The following SENP5 variants were observed in gnomAD, a reference collection of about 807,000 sequenced individuals.
The protein encoded by SENP5 is sentrin-specific protease 5.
Under a neutral mutation model 74.2 loss-of-function variants are expected in SENP5, and 21 were observed. The observed-to-expected ratio is 0.28, with a 90% confidence interval of 0.20 to 0.41. The LOEUF is 0.41. SENP5 is among the 10% of genes least tolerant of loss of function. The pLI is 1.00. For synonymous variants in SENP5, 311 were observed against 312.7 expected (o/e 0.99, Z 0.06); for missense variants, 717 against 889.1 (o/e 0.81, Z 2.46).
intron 9 of SENP5, among the ~76,000 whole-genome samples, chr3:196,930,005 AAC>A (rs1351876446): frequency 1.2e-3 from 182 of 152,004 alleles, no homozygotes; most frequent in African/African-American, 4.1e-3. Context: ...AAAAAAAAAA[AAC>A]ATTGGCAAGC....
intron 7 of SENP5, among the ~76,000 whole-genome samples, chr3:196,926,622 G>T: frequency 6.6e-6 from 1 of 151,082 alleles, no homozygotes; most frequent in African/African-American, 2.4e-5. Flanking sequence ...CTTCTGAAGA[G>T]GTGGCTTCCA....
chr3:196,884,761 C>T (rs1713880301), intron 1 of SENP5, among the ~76,000 whole-genome samples: 2 of 151,752 alleles, frequency 1.3e-5, no homozygotes, highest in Non-Finnish European at 2.9e-5. Flanking sequence ...CAACCTCCAC[C>T]TCCCAGGTTC....
chr3:196,873,234 C>T (rs1465107285), intron 1 of SENP5, among the ~76,000 whole-genome samples: 2 of 151,850 alleles, frequency 1.3e-5, no homozygotes, highest in African/African-American at 4.8e-5. Flanking sequence ...CCACCATGCC[C>T]GGCTAATGTT....
At position 196,870,080 on chromosome 3, in the gene SENP5, A is replaced by G. The variant is rs577481190; in HGVS notation, c.-32+2007A>G. On this transcript the variant is annotated intron_variant, in intron 1 of 9. Transcript: ENST00000323460. ...TTCTGTGCTTCTCTAGTTGCCAAACATCTGATTGAAGTAGATCACCTTGGC... is the reference window on the plus strand; with the variant it reads ...TTCTGTGCTTCTCTAGTTGCCAAACGTCTGATTGAAGTAGATCACCTTGGC... 1.6e-4 allele frequency among the ~76,000 whole-genome samples: 24 copies of G among 152,284 alleles called. No individual in the cohort carries two copies. In the South Asian group the frequency reaches 4.6e-3, roughly 29 times the overall value.
chr3:196,880,266 A>G (rs1295588365), intron 1 of SENP5, among the ~76,000 whole-genome samples: 1 of 152,062 alleles, frequency 6.6e-6, no homozygotes, highest in Non-Finnish European at 1.5e-5. Context: ...TTTTTTAAGG[A>G]GACAGAGTCT....
chr3:196,894,105 A>T (rs1349577444), intron 2 of SENP5, among the ~76,000 whole-genome samples: 4 of 146,036 alleles, frequency 2.7e-5, no homozygotes, highest in Non-Finnish European at 4.5e-5. Context: ...TTTTTTCTAG[A>T]TATTAATGTG....
chr3:196,908,870 C>T (rs768640070), intron 6 of SENP5, among the ~76,000 whole-genome samples: 4 of 151,966 alleles, frequency 2.6e-5, no homozygotes, highest in Non-Finnish European at 5.9e-5. Context: ...GAAGCAAGAG[C>T]AAACAAATCC....
chr3:196,882,248 A>G (rs1713759239), intron 1 of SENP5, among the ~76,000 whole-genome samples: 1 of 151,716 alleles, frequency 6.6e-6, no homozygotes, highest in Non-Finnish European at 1.5e-5. Context: ...AAAATTTACT[A>G]TTTTGACCAT....
chr3:196,901,684 T>G (rs2108838065), intron 5 of SENP5, among the ~76,000 whole-genome samples: 1 of 152,338 alleles, frequency 6.6e-6, no homozygotes, highest in African/African-American at 2.4e-5. Flanking sequence ...TATAAATCTG[T>G]TATACATTTA....
intron 1 of SENP5, among the ~76,000 whole-genome samples, chr3:196,877,389 T>G (rs7340551): frequency 0.025 from 3,777 of 152,176 alleles, 157 homozygotes; most frequent in African/African-American, 0.086. Context: ...TTCACCATGT[T>G]GGCCAGGCTG....
chr3:196,917,905 G>A (rs564708787), intron 6 of SENP5, among the ~76,000 whole-genome samples: 1 of 152,170 alleles, frequency 6.6e-6, no homozygotes, highest in Non-Finnish European at 1.5e-5. Flanking sequence ...CACAAGAACA[G>A]AATGGCTTGA....
intron 6 of SENP5, among the ~76,000 whole-genome samples, chr3:196,922,963 G>T (rs919357050): frequency 2.6e-5 from 4 of 151,930 alleles, no homozygotes; most frequent in African/African-American, 7.3e-5. Flanking sequence ...ATGTTGCCCA[G>T]GCTGGTCTCA....
chr3:196,899,995 A>G lies in SENP5; in HGVS notation c.1691A>G (p.Tyr564Cys), dbSNP rs1475526413. The stretch of plus-strand genomic sequence containing the variant: ...CAAAAATGTAACTTCCGTATCTTCT[A>G]TAATAAACACATGCTGGATATGGAC... ...RHQKCNFRIF[Y>C]NKHMLDMDDL... Residue 564 changes from tyrosine (Y) to cysteine (C), a missense_variant, in exon 4 of 10, where the codon TAT (tyrosine) becomes TGT (cysteine). Physicochemically the swap from Tyr to Cys is radical, Grantham distance 194. Around this residue, in one of 4 missense-constraint regions of SENP5, gnomAD observed 64 missense variants for 100.8 expected, o/e 0.64. Transcript: ENST00000323460. 1 of 1,614,166 alleles carries G rather than the reference A, an allele frequency of 6.2e-7. No individual in the cohort carries two copies. Among genetic ancestry groups the G allele is most frequent in the East Asian group, 2.2e-5 (1 of 44,874 alleles).
chr3:196,920,979 TCA>T (rs1340313227), intron 6 of SENP5, among the ~76,000 whole-genome samples: 3 of 152,222 alleles, frequency 2.0e-5, no homozygotes, highest in Non-Finnish European at 4.4e-5. Flanking sequence ...TATAATCTTC[TCA>T]CAGGGAGGGC....
intron 2 of SENP5, among the ~76,000 whole-genome samples, chr3:196,898,634 G>A (rs1258696384): frequency 6.6e-6 from 1 of 152,042 alleles, no homozygotes; most frequent in Non-Finnish European, 1.5e-5. Flanking sequence ...TGCTTCACTA[G>A]CTGGGTGTGG....
At chr3:196,872,600 A>G (rs1210123753) in intron 1 of SENP5, among the ~76,000 whole-genome samples, 2 of 152,334 alleles carry the variant, frequency 1.3e-5, no homozygotes, top group Non-Finnish European at 2.9e-5. Context: ...TTGTTTTTAC[A>G]TAGGATTGTT....
rs1334640099 is a variant in SENP5 at position 196,930,943 on chromosome 3, G to C, written c.*20G>C. The C allele has an allele frequency of 6.7e-7, 1 of 1,500,656 alleles. No homozygotes were observed. 93.0% of individuals were successfully genotyped at this position (1,500,656 alleles called of 1,614,324 possible). On this transcript the variant is annotated 3_prime_UTR_variant, in exon 10 of 10. Coordinates refer to ENST00000323460, the MANE Select transcript of SENP5 (RefSeq NM_152699.5). ...GACTGAAACTCAGCAGGGACTCTGG[G>C]AAGTCTGACCAAGTTGGAGCAGATG...
At chr3:196,908,839 A>C (rs987161585) in intron 6 of SENP5, among the ~76,000 whole-genome samples, 2 of 152,194 alleles carry the variant, frequency 1.3e-5, no homozygotes, top group African/African-American at 4.8e-5. Flanking sequence ...AAACAAACAA[A>C]AACAACAACA....
chr3:196,898,147 C>T (rs2108833305), intron 2 of SENP5, among the ~76,000 whole-genome samples: 1 of 146,606 alleles, frequency 6.8e-6, no homozygotes, highest in South Asian at 2.2e-4. Flanking sequence ...CATTGCACTC[C>T]AGCCTGGGTG....
Sources: gnomAD v4.1 joint callset for allele counts (sites outside exome capture counted in the v4.1 genomes callset) on GRCh38, gnomAD v4.1.1 for gene constraint, gnomAD v4.1.1 regional missense constraint, MANE v1.5 for transcripts, NCBI Gene and HGNC (gene_info 2026-07-23, HGNC 2026-07-21) for gene names.